VWA5A: variants seen among roughly 807,000 people sequenced by gnomAD.
The protein encoded by VWA5A is von Willebrand factor A domain containing 5A.
VWA5A carries 77 observed loss-of-function variants against 84.6 expected under a neutral mutation model. That is an observed-to-expected ratio of 0.91 (90% confidence interval 0.76 to 1.10). VWA5A has a LOEUF of 1.10. VWA5A is among the 50% of genes least tolerant of loss of function. VWA5A has a pLI of 0.00. For synonymous variants in VWA5A, 334 were observed against 350.1 expected, an observed-to-expected ratio of 0.95 and a Z score of 0.51; for missense variants, 973 against 963.0, an observed-to-expected ratio of 1.01 and a Z score of -0.14.
chr11:124,135,755 C>T (rs1024131674), intron 12 of VWA5A, among the ~76,000 whole-genome samples: 12 of 151,540 alleles, frequency 7.9e-5, no homozygotes, highest in Non-Finnish European at 1.3e-4. Context: ...TGGTCTCGAT[C>T]TCCTGACCTC....
At chr11:124,136,857 T>C (rs936404621) in intron 14 of VWA5A, among the ~76,000 whole-genome samples, 158 bp from the exon 15 acceptor site, 6 of 151,098 alleles carry the variant, frequency 4.0e-5, no homozygotes, top group Admixed American at 1.3e-4. Flanking sequence ...GTAATTGTTT[T>C]CCTACAATCA....
chr11:124,124,235 A>G lies in VWA5A; in HGVS notation c.1165-2A>G, dbSNP rs780987558. On this transcript the variant is annotated splice_acceptor_variant, in intron 10 of 18. Coordinates refer to ENST00000456829, the MANE Select transcript of VWA5A (RefSeq NM_001130142.2). LOFTEE classifies it high-confidence loss of function. ...TGATGAACATTTTCTTTCTTTGTAT[A>G]GCTTTTTGTCTTTACAGATGGAGAA... The G allele has an allele frequency of 9.9e-6, 16 of 1,612,678 alleles. No homozygotes were observed. Among genetic ancestry groups the G allele is most frequent in the East Asian group, 4.5e-5 (2 of 44,870 alleles).
rs1287598949 is a variant in VWA5A at position 124,127,657 on chromosome 11, C to G, written c.1244+3341C>G. Among the ~76,000 whole-genome samples, 8 of 152,300 alleles carry G rather than the reference C, an allele frequency of 5.3e-5. No individual in the cohort carries two copies. The South Asian group carries it at 1.7e-3, about 32-fold the overall frequency. ...ACAGTGTAAAAGGTTTCCTATTTCT[C>G]CACATCCTCTCCAGCATCTGTTGTT... is the stretch of plus-strand genomic sequence containing the variant. On this transcript the variant is annotated intron_variant, in intron 11 of 18. Coordinates refer to ENST00000456829, the MANE Select transcript of VWA5A (RefSeq NM_001130142.2).
At position 124,142,548 on chromosome 11, in the gene VWA5A, A is replaced by G. The variant is rs1181170980; in HGVS notation, c.2130A>G (p.Glu710=). 2 of 1,614,210 alleles carry G rather than the reference A, an allele frequency of 1.2e-6. No individual in the cohort carries two copies. Among genetic ancestry groups the G allele is most frequent in the South Asian group, 2.2e-5 (2 of 91,072 alleles). Residue 710 remains glutamate (E), a synonymous_variant, in exon 17 of 19, where the codon GAA becomes GAG. Transcript: ENST00000456829. Reference sequence around the variant, plus strand: ...AGATCCTAGGTATGAGTTTGGAAGAAATAATGGCTGCACAGCCTGCCGAGG... The same window carrying G: ...AGATCCTAGGTATGAGTTTGGAAGAGATAATGGCTGCACAGCCTGCCGAGG... ...LAKILGMSLE[E]IMAAQPAELV...
chr11:124,124,294 A>G lies in VWA5A; in HGVS notation c.1222A>G (p.Arg408Gly). Residue 408 changes from arginine to glycine, a missense_variant, in exon 11 of 19, where the codon AGG (arginine) becomes GGG (glycine). Coordinates refer to ENST00000456829, the MANE Select transcript of VWA5A (RefSeq NM_001130142.2). Reference sequence around the variant, plus strand: ...CACGTTTAGTGTAATTAAAGAAGTTAGGATCAACAGACAGAAACACAGGTA... The same window carrying G: ...CACGTTTAGTGTAATTAAAGAAGTTGGGATCAACAGACAGAAACACAGGTA... The part of the protein sequence containing the change: ...TDTFSVIKEV[R>G]INRQKHRCFS... 1.2e-6 allele frequency: 2 copies of G among 1,614,106 alleles called. No individual in the cohort carries two copies. Among genetic ancestry groups the G allele is most frequent in the Non-Finnish European group, 1.7e-6 (2 of 1,179,994 alleles).
intron 17 of VWA5A, 67 bp downstream of exon 17, chr11:124,142,639 G>A: frequency 6.3e-7 from 1 of 1,592,446 alleles, no homozygotes; most frequent in African/African-American, 1.3e-5. Context: ...GAATTGAGGT[G>A]ATTCAGGACC....
Position 124,146,459 on chromosome 11 carries a change from G to A in VWA5A, c.*514G>A, listed in dbSNP as rs149572527. 4.0e-3 allele frequency: 617 copies of A among 153,746 alleles called. 9 individuals carry two copies. The Middle Eastern group carries it at 0.04, about 10-fold the overall frequency. The allele number at this position is 153,746 out of a possible 1,614,324, so 9.5% of individuals were successfully genotyped here. On this transcript the variant is annotated 3_prime_UTR_variant, in exon 19 of 19. Coordinates refer to ENST00000456829, the MANE Select transcript of VWA5A (RefSeq NM_001130142.2). ...TGTCAAGATCACAAAGACAGAGACT[G>A]CAGGGGTCCACTGTGAGAGGTGACA...
chr11:124,117,541 C>T lies in VWA5A; in HGVS notation c.30C>T (p.Leu10=), dbSNP rs1864851335. The T allele has an allele frequency of 6.2e-7, 1 of 1,614,086 alleles. No homozygotes were observed. Among genetic ancestry groups the T allele is most frequent in the Non-Finnish European group, 8.5e-7 (1 of 1,180,040 alleles). MVHFCGLLT[L]HREPVPLKSI... ...TGCACTTCTGTGGCCTACTCACCCT[C>T]CACCGGGAGCCAGGTAAGCCTAATT... The change falls in exon 3 of 19, where the codon CTC becomes CTT. Residue 10 remains leucine, a synonymous_variant. Transcript: ENST00000456829.
intron 10 of VWA5A, 23 bp from the exon 11 acceptor site, chr11:124,124,214 G>T: frequency 6.2e-7 from 1 of 1,608,010 alleles, no homozygotes; most frequent in South Asian, 1.1e-5. Flanking sequence ...AAGACCTGAT[G>T]AACATTTTCT....
chr11:124,131,728 T>G (rs1865100629), intron 11 of VWA5A, among the ~76,000 whole-genome samples: 1 of 151,878 alleles, frequency 6.6e-6, no homozygotes, highest in African/African-American at 2.4e-5. Flanking sequence ...AGATATTCTA[T>G]GAAGAATCAC....
At chr11:124,116,831 G>A (rs1252301771) in intron 2 of VWA5A, among the ~76,000 whole-genome samples, 151 bp downstream of exon 2, 2 of 152,138 alleles carry the variant, frequency 1.3e-5, no homozygotes, top group African/African-American at 4.8e-5. Flanking sequence ...GAATATCTTG[G>A]ATGGATACAA....
chr11:124,145,838 C>T, intron 18 of VWA5A, 28 bp from the exon 19 acceptor site: 1 of 1,560,760 alleles, frequency 6.4e-7, no homozygotes. Context: ...AATCCTTCAT[C>T]CCTGCTTCTT....
At chr11:124,133,687 A>G (rs527821682) in intron 11 of VWA5A, among the ~76,000 whole-genome samples, 1 of 152,304 alleles carries the variant, frequency 6.6e-6, no homozygotes, top group African/African-American at 2.4e-5. Flanking sequence ...TCATCTCTCC[A>G]TGCCTTAGTT....
chr11:124,127,034 CT>C (rs1865028083), intron 11 of VWA5A, among the ~76,000 whole-genome samples: 1 of 152,082 alleles, frequency 6.6e-6, no homozygotes. Flanking sequence ...TCATTATGTT[CT>C]TTTTATTAAG....
In VWA5A at chr11:124,137,211, G is replaced by T; in HGVS notation, c.1822G>T (p.Val608Phe). 2 of 1,614,122 alleles carry T rather than the reference G, an allele frequency of 1.2e-6. No individual in the cohort carries two copies. Among genetic ancestry groups the T allele is most frequent in the Non-Finnish European group, 1.7e-6 (2 of 1,180,026 alleles). The change falls in exon 15 of 19, where the codon GTC becomes TTC. Residue 608 changes from valine (V) to phenylalanine (F), a missense_variant. Transcript: ENST00000456829. ...PVQGPLAHRD[V>F]PRPILLGASA... ...TCAGGGGCCTCTGGCTCATAGGGAC[G>T]TCCCAAGGCCAATTCTGTTGGGTGC...
rs1424661749 is a variant in VWA5A at position 124,118,380 on chromosome 11, A to T, written c.438A>T (p.Pro146=). Residue 146 remains proline, a synonymous_variant, in exon 5 of 19, where the codon CCA becomes CCT. Coordinates refer to ENST00000456829, the MANE Select transcript of VWA5A (RefSeq NM_001130142.2). ...ATGGGGCTCTGCGCTTTGTGCTCCC[A>T]GCTGTCCTGAATCCTAGATACCAGT... ...EADGALRFVL[P]AVLNPRYQFS... 3 of 1,614,248 alleles carry T rather than the reference A, an allele frequency of 1.9e-6. No individual in the cohort carries two copies. Among genetic ancestry groups the T allele is most frequent in the Non-Finnish European group, 2.5e-6 (3 of 1,180,046 alleles).
intron 1 of VWA5A, chr11:124,115,906 C>CGACGCA (rs1473674407): frequency 1.3e-5 from 2 of 152,208 alleles, no homozygotes; most frequent in African/African-American, 2.4e-5. Flanking sequence ...TGTAAGAGAC[C>CGACGCA]GACGCAGTCT....
Position 124,136,205 on chromosome 11 carries a change from T to C in VWA5A, c.1436T>C (p.Leu479Pro). 3 of 1,614,230 alleles carry C rather than the reference T, an allele frequency of 1.9e-6. No homozygotes were observed. Among genetic ancestry groups the C allele is most frequent in the East Asian group, 4.5e-5 (2 of 44,882 alleles). ...CTGAGCTGGCATTTGCCTCCTGGTC[T>C]GTCTGCTAAAATGCTTTCCCCAGAA... ...VSLSWHLPPG[L>P]SAKMLSPEQT... Residue 479 changes from leucine to proline, a missense_variant, in exon 13 of 19, where the codon CTG (leucine) becomes CCG (proline). Transcript: ENST00000456829.
intron 11 of VWA5A, among the ~76,000 whole-genome samples, chr11:124,130,838 G>A (rs766735451): frequency 2.0e-5 from 3 of 152,000 alleles, no homozygotes; most frequent in East Asian, 3.8e-4. Flanking sequence ...TGAGTGTTAC[G>A]TCTGTTCCTT....
Sources: gnomAD v4.1 joint callset for allele counts (sites outside exome capture counted in the v4.1 genomes callset) on GRCh38, gnomAD v4.1.1 for gene constraint, MANE v1.5 for transcripts, NCBI Gene and HGNC (gene_info 2026-07-23, HGNC 2026-07-21) for gene names.